SGIP1: variants seen among roughly 807,000 people sequenced by gnomAD.
SGIP1 encodes SH3-containing GRB2-like protein 3-interacting protein 1.
A neutral mutation model predicts 107.5 loss-of-function variants in SGIP1; 38 were observed. That is an observed-to-expected ratio of 0.35 (90% CI 0.27 to 0.46). SGIP1 has a LOEUF of 0.46. SGIP1 is among the 20% of genes least tolerant of loss of function. The probability of loss-of-function intolerance (pLI) is 1.00; values close to 1 mark genes in which losing one functional copy is unlikely to be tolerated. For missense variants in SGIP1, 929 were observed against 1,019.5 expected (o/e 0.91, Z 1.21); for synonymous variants, 365 against 366.1 (o/e 1.00, Z 0.03).
chr1:66,534,690 T>C (rs1253791431), intron 1 of SGIP1, among the ~76,000 whole-genome samples: 1 of 152,192 alleles, frequency 6.6e-6, no homozygotes, highest in Non-Finnish European at 1.5e-5. Context: ...AGGTTTTCTG[T>C]TCTGGGTTCC....
At chr1:66,569,094 C>T (rs558614581) in intron 1 of SGIP1, among the ~76,000 whole-genome samples, 1 of 152,106 alleles carries the variant, frequency 6.6e-6, no homozygotes, top group African/African-American at 2.4e-5. Context: ...ATCTCTTCTC[C>T]TGAGCTTATA....
In SGIP1 at chr1:66,748,511, A is replaced by G. The variant is rs1414343367; in HGVS notation, c.*5416A>G. ...ATGGGTATGTCTATGAGGAAAAGACACCTATTTGTTGGCATTGACCATGGG... is the reference window on the plus strand; with the variant it reads ...ATGGGTATGTCTATGAGGAAAAGACGCCTATTTGTTGGCATTGACCATGGG... On this transcript the variant is annotated 3_prime_UTR_variant, in exon 25 of 25. Coordinates refer to ENST00000371037, the MANE Select transcript of SGIP1 (RefSeq NM_032291.4). 1.3e-5 allele frequency among the ~76,000 whole-genome samples: 2 copies of G among 151,882 alleles called. No homozygotes were observed. The highest frequency in any genetic ancestry group is 4.8e-5 in the African/African-American group (2 of 41,412).
intron 1 of SGIP1, among the ~76,000 whole-genome samples, chr1:66,568,016 A>G (rs2059893617): frequency 6.6e-6 from 1 of 152,154 alleles, no homozygotes; most frequent in African/African-American, 2.4e-5. Context: ...TGGAATTTAA[A>G]GTAGTTTTTT....
At chr1:66,588,960 A>G (rs1214940912) in intron 1 of SGIP1, among the ~76,000 whole-genome samples, 1 of 150,586 alleles carries the variant, frequency 6.6e-6, no homozygotes, top group Admixed American at 6.6e-5. Context: ...ATAAGAAAAG[A>G]AAAAAAATTC....
At chr1:66,600,213 A>C (rs1364054264) in intron 1 of SGIP1, among the ~76,000 whole-genome samples, 1 of 152,248 alleles carries the variant, frequency 6.6e-6, no homozygotes, top group Non-Finnish European at 1.5e-5. Context: ...AATTTTTTAA[A>C]GAAAATTCAT....
chr1:66,580,808 G>T (rs2148733634), intron 1 of SGIP1, among the ~76,000 whole-genome samples: 1 of 152,208 alleles, frequency 6.6e-6, no homozygotes, highest in East Asian at 1.9e-4. Context: ...ACCACGCAAT[G>T]CTGAAATACT....
At chr1:66,670,834 T>C (rs1476025865) in intron 9 of SGIP1, among the ~76,000 whole-genome samples, 161 bp from the exon 10 acceptor site, 2 of 152,228 alleles carry the variant, frequency 1.3e-5, no homozygotes, top group African/African-American at 4.8e-5. Context: ...GATTTCTGTG[T>C]GTGTATCTAC....
chr1:66,584,465 A>G (rs979163769), intron 1 of SGIP1, among the ~76,000 whole-genome samples: 8 of 152,138 alleles, frequency 5.3e-5, no homozygotes, highest in Non-Finnish European at 7.4e-5. Flanking sequence ...CCTCTAACCC[A>G]TGTTAAAATT....
chr1:66,636,261 T>A (rs556004580), intron 4 of SGIP1, among the ~76,000 whole-genome samples: 123 of 152,336 alleles, frequency 8.1e-4, no homozygotes, highest in African/African-American at 2.9e-3. Context: ...TGTTACCTGT[T>A]TCATCGACAA....
chr1:66,588,067 A>T (rs1229661030), intron 1 of SGIP1, among the ~76,000 whole-genome samples: 1 of 152,272 alleles, frequency 6.6e-6, no homozygotes, highest in Non-Finnish European at 1.5e-5. Context: ...TCTTAAACTC[A>T]AAAACAAAAT....
At chr1:66,716,890 C>T (rs1387615953) in intron 18 of SGIP1, among the ~76,000 whole-genome samples, 1 of 152,106 alleles carries the variant, frequency 6.6e-6, no homozygotes, top group East Asian at 1.9e-4. Flanking sequence ...TGTCACCCTT[C>T]AATACCCACC....
intron 7 of SGIP1, among the ~76,000 whole-genome samples, chr1:66,647,498 T>C (rs899774195): frequency 6.6e-6 from 1 of 152,188 alleles, no homozygotes; most frequent in African/African-American, 2.4e-5. Context: ...CAAATGGCTA[T>C]TGGTGGACTT....
chr1:66,686,270 G>C (rs1457701039), intron 15 of SGIP1, among the ~76,000 whole-genome samples: 1 of 152,200 alleles, frequency 6.6e-6, no homozygotes, highest in Non-Finnish European at 1.5e-5. Flanking sequence ...GATGAAAGTT[G>C]AAGCGGTAGA....
chr1:66,624,861 G>A (rs568161727), intron 1 of SGIP1, among the ~76,000 whole-genome samples: 2 of 95,466 alleles, frequency 2.1e-5, no homozygotes, highest in African/African-American at 1.1e-4. Flanking sequence ...ACATGTGAGG[G>A]ATGGGAAACA....
intron 1 of SGIP1, among the ~76,000 whole-genome samples, chr1:66,605,901 C>T (rs771193343): frequency 3.3e-5 from 5 of 152,058 alleles, no homozygotes; most frequent in Non-Finnish European, 5.9e-5. Flanking sequence ...GGTAAAGTTT[C>T]GATTGCTTCG....
intron 18 of SGIP1, among the ~76,000 whole-genome samples, chr1:66,710,998 A>G (rs751461570): frequency 1.3e-5 from 2 of 152,174 alleles, no homozygotes; most frequent in Admixed American, 6.6e-5. Context: ...TGGTGTGTAA[A>G]GCTATTAACA....
chr1:66,682,498 T>C, intron 15 of SGIP1, 129 bp downstream of exon 15: 3 of 1,134,122 alleles, frequency 2.6e-6, no homozygotes, highest in Non-Finnish European at 3.8e-6. Flanking sequence ...AGTCTGGGTG[T>C]CCTGTGGCCC....
intron 15 of SGIP1, chr1:66,684,109 G>A: frequency 4.5e-6 from 7 of 1,550,388 alleles, no homozygotes. Flanking sequence ...TTTTACAGAT[G>A]GGAAAACTGA....
At chr1:66,562,976 C>T (rs1377819781) in intron 1 of SGIP1, among the ~76,000 whole-genome samples, 1 of 151,796 alleles carries the variant, frequency 6.6e-6, no homozygotes, top group African/African-American at 2.4e-5. Flanking sequence ...TTTATTGTTG[C>T]TGTTGTTAAA....
Sources: gnomAD v4.1 joint callset for allele counts (sites outside exome capture counted in the v4.1 genomes callset) on GRCh38, gnomAD v4.1.1 for gene constraint, MANE v1.5 for transcripts, NCBI Gene and HGNC (gene_info 2026-07-23, HGNC 2026-07-21) for gene names.